Variants in PRKN observed in about 807,000 individuals in gnomAD.
The protein encoded by PRKN is parkin RBR E3 ubiquitin protein ligase.
Under a neutral mutation model 59.5 loss-of-function variants are expected in PRKN, and 56 were observed. The ratio of observed to expected loss-of-function variants is 0.94; its 90% confidence interval spans 0.76 to 1.18. The LOEUF (loss-of-function observed/expected upper bound fraction) is 1.18, where lower values mean the gene tolerates loss of function less well. Ranked by LOEUF, PRKN falls within the 50% of genes most tolerant of loss-of-function variation. The pLI, the probability that PRKN is intolerant of heterozygous loss-of-function variation, is 0.00. For missense variants in PRKN, 657 were observed against 596.4 expected, an observed-to-expected ratio of 1.10 and a Z score of -1.06; for synonymous variants, 250 against 222.1, an observed-to-expected ratio of 1.13 and a Z score of -1.12.
At chr6:162,238,319 C>T (rs547959156) in intron 3 of PRKN, among the ~76,000 whole-genome samples, 1 of 152,296 alleles carries the variant, frequency 6.6e-6, no homozygotes, top group South Asian at 2.1e-4. Flanking sequence ...CTACACCGTA[C>T]AGCCCAGGTG....
intron 2 of PRKN, among the ~76,000 whole-genome samples, chr6:162,324,877 T>G (rs930252784): frequency 6.6e-6 from 1 of 152,126 alleles, no homozygotes; most frequent in Admixed American, 6.6e-5. Context: ...AATGGCAATA[T>G]TGTGTCCTAA....
intron 8 of PRKN, among the ~76,000 whole-genome samples, chr6:161,558,806 C>CT (rs35581609): frequency 1.1e-4 from 16 of 150,644 alleles, no homozygotes; most frequent in Middle Eastern, 3.4e-3. Flanking sequence ...CTTCATCTTC[C>CT]TTTTTTTTTC....
chr6:162,509,882 C>T (rs536836610), intron 1 of PRKN, among the ~76,000 whole-genome samples: 219 of 152,280 alleles, frequency 1.4e-3, no homozygotes, highest in African/African-American at 4.7e-3. Context: ...TTCCTGCTTG[C>T]GTGAACTATC....
intron 3 of PRKN, among the ~76,000 whole-genome samples, chr6:162,251,780 A>G (rs1448922595): frequency 6.6e-6 from 1 of 152,174 alleles, no homozygotes; most frequent in African/African-American, 2.4e-5. Context: ...GAATTTTGTC[A>G]TGTGGTGTCT....
intron 1 of PRKN, among the ~76,000 whole-genome samples, chr6:162,521,265 C>T (rs1205354545): frequency 1.3e-5 from 2 of 152,168 alleles, no homozygotes; most frequent in African/African-American, 2.4e-5. Flanking sequence ...TAAGCAAGCA[C>T]ATGAAATCCT....
intron 1 of PRKN, among the ~76,000 whole-genome samples, chr6:162,611,911 C>A (rs1009656940): frequency 1.3e-5 from 2 of 151,954 alleles, no homozygotes; most frequent in African/African-American, 4.8e-5. Flanking sequence ...TACAGCGGGG[C>A]GTGGTGGCTC....
intron 9 of PRKN, among the ~76,000 whole-genome samples, chr6:161,511,363 G>C (rs1187348259): frequency 6.6e-6 from 1 of 152,134 alleles, no homozygotes; most frequent in African/African-American, 2.4e-5. Context: ...ATGATGCTTG[G>C]TATTTATCAG....
rs114929891 is a variant in PRKN at position 161,909,386 on chromosome 6, A to G, written c.734+63916T>C. ...GAAAATGCAGCTGCTCTCTAGATGT[A>G]TGTGTGCCCTGATAAGAAATGTTTT... On this transcript the variant is annotated intron_variant, in intron 6 of 11. Transcript: ENST00000366898. Among the ~76,000 whole-genome samples the G allele has an allele frequency of 2.9e-3, 443 of 152,294 alleles. 3 individuals are homozygous for G. The highest frequency in any genetic ancestry group is 0.01 in the African/African-American group (426 of 41,576).
Position 161,497,845 on chromosome 6 carries a change from C to T in PRKN, c.1083+51009G>A, listed in dbSNP as rs1419671149. ...TCAGCCTTTGTTGAGGCTAACTCTC[C>T]TCCCAAGGTGTCTCAAATAGAAAGG... On this transcript the variant is annotated intron_variant, in intron 9 of 11. Transcript: ENST00000366898. This position sits in a 1 kb window ranked among gnomAD's most constrained non-coding sequence, Gnocchi z 4.6. Among the ~76,000 whole-genome samples the T allele has an allele frequency of 6.6e-6, 1 of 152,214 alleles. No homozygotes were observed. Among genetic ancestry groups the T allele is most frequent in the Admixed American group, 6.5e-5 (1 of 15,286 alleles).
At chr6:161,670,071 G>A (rs1214673724) in intron 7 of PRKN, among the ~76,000 whole-genome samples, 1 of 152,210 alleles carries the variant, frequency 6.6e-6, no homozygotes, top group African/African-American at 2.4e-5. Context: ...CGATGTGGCA[G>A]AAGTATTTCA....
At chr6:161,613,419 G>T (rs369746186) in intron 7 of PRKN, among the ~76,000 whole-genome samples, 3 of 151,892 alleles carry the variant, frequency 2.0e-5, no homozygotes, top group East Asian at 3.9e-4. Flanking sequence ...TGGGAACATT[G>T]TTGAAATGAC....
intron 6 of PRKN, among the ~76,000 whole-genome samples, chr6:161,858,878 T>TTTTTTTTTTTTTA (rs71004066): frequency 8.3e-5 from 12 of 145,202 alleles, no homozygotes; most frequent in East Asian, 2.2e-4. Context: ...TTTTTTTTTT[T>TTTTTTTTTTTTTA]GAGACAGAGG....
chr6:162,312,192 G>C (rs1398398261), intron 2 of PRKN, among the ~76,000 whole-genome samples: 1 of 152,084 alleles, frequency 6.6e-6, no homozygotes, highest in Non-Finnish European at 1.5e-5. Flanking sequence ...TCAATCTTAA[G>C]AATTTTACCT....
intron 9 of PRKN, among the ~76,000 whole-genome samples, chr6:161,492,831 G>A (rs1206248642): frequency 6.6e-6 from 1 of 152,172 alleles, no homozygotes; most frequent in African/African-American, 2.4e-5. Context: ...ATTGATGAAC[G>A]TGGTGTTCCC....
intron 3 of PRKN, among the ~76,000 whole-genome samples, chr6:162,222,357 CA>C (rs1313834508): frequency 6.6e-6 from 1 of 152,116 alleles, no homozygotes; most frequent in African/African-American, 2.4e-5. Flanking sequence ...GAGAAGCTCC[CA>C]TAGAAAAACA....
intron 1 of PRKN, among the ~76,000 whole-genome samples, chr6:162,704,256 TG>T (rs1778261867): frequency 6.6e-6 from 1 of 152,098 alleles, no homozygotes. Context: ...ATGTGCAGCC[TG>T]GGAGTGTGGC....
chr6:162,524,712 C>T (rs1562355613), intron 1 of PRKN, among the ~76,000 whole-genome samples: 4 of 152,148 alleles, frequency 2.6e-5, no homozygotes, highest in Non-Finnish European at 2.9e-5. Context: ...GGAAGACTAA[C>T]TAGTTTGAGG....
chr6:162,584,792 C>T (rs138682895), intron 1 of PRKN, among the ~76,000 whole-genome samples: 2,142 of 7,488 alleles, frequency 0.29, 104 homozygotes, highest in East Asian at 0.46. Flanking sequence ...TCTCCTCTCC[C>T]CTCCCCTCCC....
intron 3 of PRKN, among the ~76,000 whole-genome samples, chr6:162,235,989 G>GA (rs11442984): frequency 0.11 from 15,046 of 131,416 alleles, 1,668 homozygotes; most frequent in East Asian, 0.55. Flanking sequence ...AAGAAAGAAA[G>GA]AAAGAAAGAA....
Sources: allele counts gnomAD v4.1 joint callset (sites outside exome capture counted in the v4.1 genomes callset), GRCh38; gene constraint gnomAD v4.1.1; non-coding constraint Gnocchi (gnomAD v3.1); transcripts MANE v1.5; gene names NCBI Gene and HGNC (gene_info 2026-07-23, HGNC 2026-07-21).